The following MTUS2 variants were observed in gnomAD, a reference collection of about 807,000 sequenced individuals.
MTUS2 encodes the protein microtubule associated scaffold protein 2.
Under a neutral mutation model 114.1 loss-of-function variants are expected in MTUS2, and 40 were observed. The ratio of observed to expected loss-of-function variants is 0.35; its 90% confidence interval spans 0.27 to 0.46. The LOEUF is 0.46. MTUS2 is among the 20% of genes least tolerant of loss of function. MTUS2 has a pLI of 1.00. For synonymous variants in MTUS2, 688 were observed against 672.0 expected, an observed-to-expected ratio of 1.02 and a Z score of -0.37; for missense variants, 1,679 against 1,705.4, an observed-to-expected ratio of 0.98 and a Z score of 0.27.
intron 8 of MTUS2, among the ~76,000 whole-genome samples, chr13:29,417,107 T>C (rs1038650614): frequency 6.6e-6 from 1 of 152,206 alleles, no homozygotes; most frequent in Non-Finnish European, 1.5e-5. Context: ...CCTGCATCTG[T>C]TTCTGTTTGG....
intron 2 of MTUS2, among the ~76,000 whole-genome samples, chr13:28,884,285 A>G (rs1297079948): frequency 2.6e-5 from 4 of 152,202 alleles, no homozygotes; most frequent in African/African-American, 9.7e-5. Context: ...CATGATGCAA[A>G]GTGAAATCAA....
At chr13:28,975,341 A>T (rs1192171504) in intron 2 of MTUS2, among the ~76,000 whole-genome samples, 1 of 152,216 alleles carries the variant, frequency 6.6e-6, no homozygotes, top group Non-Finnish European at 1.5e-5. Flanking sequence ...GGCCACAGAA[A>T]CGCGGCATGG....
At chr13:29,491,035 T>TTGTGTG (rs138765532) in intron 11 of MTUS2, among the ~76,000 whole-genome samples, 1 of 109,484 alleles carries the variant, frequency 9.1e-6, no homozygotes. Context: ...GGATGCGGGT[T>TTGTGTG]TGTGTGTGTG....
chr13:29,050,208 C>T (rs1330760853), intron 4 of MTUS2, among the ~76,000 whole-genome samples: 2 of 152,108 alleles, frequency 1.3e-5, no homozygotes, highest in African/African-American at 2.4e-5. Flanking sequence ...CTCCCTTTCT[C>T]TTATATACTT....
chr13:29,435,581 T>C (rs901071621), intron 8 of MTUS2, among the ~76,000 whole-genome samples: 1 of 152,142 alleles, frequency 6.6e-6, no homozygotes, highest in African/African-American at 2.4e-5. Flanking sequence ...CCTTGATGGA[T>C]GGAGGAATAA....
At chr13:29,312,924 A>G (rs1397216760) in intron 6 of MTUS2, among the ~76,000 whole-genome samples, 1 of 152,252 alleles carries the variant, frequency 6.6e-6, no homozygotes, top group African/African-American at 2.4e-5. Context: ...ATAAAAAGCT[A>G]TTTCAAAATG....
At chr13:29,334,500 A>G (rs1211836569) in intron 7 of MTUS2, among the ~76,000 whole-genome samples, 1 of 151,736 alleles carries the variant, frequency 6.6e-6, no homozygotes, top group East Asian at 1.9e-4. Flanking sequence ...TCTGGAAAAT[A>G]TTTTCTTTAA....
chr13:29,158,042 G>T (rs1892937731), intron 5 of MTUS2, among the ~76,000 whole-genome samples: 1 of 152,168 alleles, frequency 6.6e-6, no homozygotes, highest in Non-Finnish European at 1.5e-5. Context: ...TGGCATGAGT[G>T]CCTTCTTGGG....
chr13:29,172,567 T>C (rs528533570), intron 5 of MTUS2, among the ~76,000 whole-genome samples: 2 of 152,356 alleles, frequency 1.3e-5, no homozygotes, highest in East Asian at 3.9e-4. Flanking sequence ...TTTAGGACTC[T>C]TGACTCTGGC....
intron 7 of MTUS2, among the ~76,000 whole-genome samples, chr13:29,325,928 T>A (rs1489452997): frequency 6.6e-6 from 1 of 152,236 alleles, no homozygotes; most frequent in Non-Finnish European, 1.5e-5. Flanking sequence ...CTTACATTGT[T>A]AGTTGCTACA....
chr13:28,971,769 A>G (rs942282639), intron 2 of MTUS2, among the ~76,000 whole-genome samples: 6 of 152,186 alleles, frequency 3.9e-5, no homozygotes, highest in African/African-American at 1.4e-4. Flanking sequence ...AGACAAAGAA[A>G]CTGAGTTTCA....
chr13:28,955,421 C>A (rs1160468960), intron 2 of MTUS2, among the ~76,000 whole-genome samples: 1 of 152,182 alleles, frequency 6.6e-6, no homozygotes, highest in Middle Eastern at 3.2e-3. Context: ...TTAGCCAGAG[C>A]CAGCCAGATG....
At chr13:29,408,419 G>T (rs999954823) in intron 8 of MTUS2, among the ~76,000 whole-genome samples, 1 of 152,248 alleles carries the variant, frequency 6.6e-6, no homozygotes, top group African/African-American at 2.4e-5. Context: ...GGGCTCAAGC[G>T]ATCCTCCCAC....
At chr13:29,344,242 G>GA (rs1868439679) in intron 7 of MTUS2, among the ~76,000 whole-genome samples, 1 of 7,412 alleles carries the variant, frequency 1.3e-4, no homozygotes, top group South Asian at 0.013. Flanking sequence ...TGCTGTCAGT[G>GA]GGTACTGAAG....
intron 4 of MTUS2, among the ~76,000 whole-genome samples, chr13:29,045,688 C>A (rs541006929): frequency 6.6e-6 from 1 of 152,258 alleles, no homozygotes; most frequent in Admixed American, 6.5e-5. Flanking sequence ...ATCTTCATTT[C>A]TTTTTGATGA....
intron 9 of MTUS2, among the ~76,000 whole-genome samples, chr13:29,461,882 C>T (rs1879522416): frequency 6.6e-6 from 1 of 152,172 alleles, no homozygotes; most frequent in South Asian, 2.1e-4. Context: ...GAATCTCAGA[C>T]TGACAAGGGG....
chr13:29,354,971 C>G (rs7987634), intron 7 of MTUS2, among the ~76,000 whole-genome samples: 9,709 of 152,280 alleles, frequency 0.064, 1,068 homozygotes, highest in African/African-American at 0.22. Context: ...TATCAAAGTT[C>G]TGTCCTATAA....
intron 5 of MTUS2, among the ~76,000 whole-genome samples, chr13:29,188,827 T>C (rs78307335): frequency 0.017 from 2,654 of 152,282 alleles, 85 homozygotes; most frequent in African/African-American, 0.06. Flanking sequence ...TTACATGCAG[T>C]GAGGGACTCC....
At chr13:28,935,563 G>C (rs763125961) in intron 2 of MTUS2, among the ~76,000 whole-genome samples, 3 of 151,984 alleles carry the variant, frequency 2.0e-5, no homozygotes, top group Non-Finnish European at 4.4e-5. Context: ...TGTACTGACA[G>C]CAATAATGAT....
Sources: allele counts gnomAD v4.1 joint callset (sites outside exome capture counted in the v4.1 genomes callset), GRCh38; gene constraint gnomAD v4.1.1; transcripts MANE v1.5; gene names NCBI Gene and HGNC (gene_info 2026-07-23, HGNC 2026-07-21).